SPHKAP: variants seen among roughly 807,000 people sequenced by gnomAD.
SPHKAP encodes A-kinase anchor protein SPHKAP.
Under a neutral mutation model 137.5 loss-of-function variants are expected in SPHKAP, and 67 were observed. The observed-to-expected ratio is 0.49, with a 90% CI of 0.40 to 0.60. SPHKAP has a LOEUF of 0.60. Among genes scored for constraint, SPHKAP ranks in the 20% least tolerant of loss-of-function variants. SPHKAP has a pLI of 0.00. For synonymous variants in SPHKAP, 813 were observed against 785.3 expected (o/e 1.04, Z -0.59); for missense variants, 2,097 against 2,069.3 (o/e 1.01, Z -0.26).
At chr2:228,163,110 T>C (rs1010161124) in intron 1 of SPHKAP, among the ~76,000 whole-genome samples, 1 of 152,330 alleles carries the variant, frequency 6.6e-6, no homozygotes, top group South Asian at 2.1e-4. Context: ...AGACAAAATC[T>C]TGCTGTCCCA....
chr2:227,994,147 C>G (rs1693533092), intron 8 of SPHKAP: 1 of 897,900 alleles, frequency 1.1e-6, no homozygotes, highest in Admixed American at 6.2e-5. Context: ...ATCTGGCTTG[C>G]TATTTTCCCA....
At chr2:227,999,063 C>T (rs1307498899) in intron 7 of SPHKAP, among the ~76,000 whole-genome samples, 2 of 152,128 alleles carry the variant, frequency 1.3e-5, no homozygotes, top group African/African-American at 4.8e-5. Context: ...TAAAAAAGTT[C>T]TCATATAGAG....
chr2:228,019,197 A>T lies in SPHKAP; in HGVS notation c.1657T>A (p.Ser553Thr), dbSNP rs1260587086. The change falls in exon 7 of 12, where the codon TCC (serine) becomes ACC (threonine). Residue 553 changes from serine to threonine, a missense_variant. Ser to Thr is a moderately conservative substitution (Grantham distance 58). Coordinates refer to ENST00000392056, the MANE Select transcript of SPHKAP (RefSeq NM_001142644.2). ...ATGCCACACAAAGCAGATGGAAAGG[A>T]GTACTCATTGATGGAAGGTTCCTTG... ...GLKEPSINEY[S>T]FPSALCGMTQ... The T allele has an allele frequency of 6.2e-7, 1 of 1,613,640 alleles. No individual in the cohort carries two copies. The highest frequency in any genetic ancestry group is 1.3e-5 in the African/African-American group (1 of 74,912).
intron 3 of SPHKAP, chr2:228,027,960 GAAAAAAA>G (rs113514692): frequency 9.9e-6 from 8 of 805,306 alleles, no homozygotes; most frequent in Non-Finnish European, 1.2e-5. Flanking sequence ...GACTGCATCT[GAAAAAAA>G]AAAAAAAAAG....
chr2:228,108,224 C>G (rs1383483396), intron 3 of SPHKAP, among the ~76,000 whole-genome samples: 1 of 152,154 alleles, frequency 6.6e-6, no homozygotes, highest in African/African-American at 2.4e-5. Flanking sequence ...ATAGTTTTCT[C>G]TAACATATAG....
chr2:228,119,026 G>A (rs67571194), intron 2 of SPHKAP, among the ~76,000 whole-genome samples: 52,360 of 152,050 alleles, frequency 0.34, 9,295 homozygotes, highest in East Asian at 0.5. Context: ...GAAATAAGGG[G>A]TGCTATTTTG....
chr2:228,003,926 T>TG (rs1299715324), intron 7 of SPHKAP, among the ~76,000 whole-genome samples: 13 of 152,220 alleles, frequency 8.5e-5, no homozygotes, highest in Admixed American at 3.9e-4. Flanking sequence ...TTGATCATGG[T>TG]GATAAGCTTT....
intron 3 of SPHKAP, among the ~76,000 whole-genome samples, chr2:228,047,539 A>G (rs1317606417): frequency 6.6e-6 from 1 of 152,176 alleles, no homozygotes; most frequent in East Asian, 1.9e-4. Flanking sequence ...TGAATTACAG[A>G]TAAGTTAAGC....
intron 1 of SPHKAP, among the ~76,000 whole-genome samples, chr2:228,148,808 G>T (rs556866426): frequency 9.7e-4 from 148 of 152,156 alleles, no homozygotes; most frequent in Non-Finnish European, 1.9e-3. Flanking sequence ...AGAGAGGAGA[G>T]GGTAGGGGGA....
At chr2:228,065,495 G>GC (rs1696794863) in intron 3 of SPHKAP, among the ~76,000 whole-genome samples, 1 of 152,172 alleles carries the variant, frequency 6.6e-6, no homozygotes, top group Admixed American at 6.5e-5. Flanking sequence ...AGTGGAGACC[G>GC]CAAGTCTAAA....
At chr2:228,008,416 C>G (rs779986551) in intron 7 of SPHKAP, among the ~76,000 whole-genome samples, 44 of 152,120 alleles carry the variant, frequency 2.9e-4, no homozygotes, top group Non-Finnish European at 4.0e-4. Context: ...CCTGTCTCAG[C>G]CTCCCAAGTA....
At chr2:228,117,869 T>C (rs1698763301) in intron 2 of SPHKAP, among the ~76,000 whole-genome samples, 2 of 148,258 alleles carry the variant, frequency 1.3e-5, no homozygotes, top group Admixed American at 1.4e-4. Context: ...ATAAAGAAAA[T>C]TGCAAAATTT....
At chr2:228,133,920 A>C (rs1699347138) in intron 1 of SPHKAP, among the ~76,000 whole-genome samples, 1 of 152,194 alleles carries the variant, frequency 6.6e-6, no homozygotes, top group South Asian at 2.1e-4. Context: ...GTTTTGTTAA[A>C]ATTTTTTATA....
intron 3 of SPHKAP, among the ~76,000 whole-genome samples, chr2:228,036,597 G>A (rs1379854915): frequency 5.9e-5 from 9 of 151,906 alleles, no homozygotes; most frequent in South Asian, 2.1e-4. Context: ...TGTTTATTGC[G>A]GCACTATTCA....
At chr2:228,106,042 C>T (rs1017027907) in intron 3 of SPHKAP, among the ~76,000 whole-genome samples, 4 of 152,184 alleles carry the variant, frequency 2.6e-5, no homozygotes, top group African/African-American at 4.8e-5. Context: ...CTGCTCTTCA[C>T]TAAGACTTCT....
At chr2:227,994,336 G>A (rs1303534223) in intron 8 of SPHKAP, among the ~76,000 whole-genome samples, 3 of 152,140 alleles carry the variant, frequency 2.0e-5, no homozygotes, top group Non-Finnish European at 4.4e-5. Flanking sequence ...TACTAGCCTG[G>A]AACTTACTGA....
intron 1 of SPHKAP, among the ~76,000 whole-genome samples, chr2:228,147,578 A>G (rs1270516909): frequency 6.6e-6 from 1 of 152,168 alleles, no homozygotes; most frequent in Non-Finnish European, 1.5e-5. Flanking sequence ...GAAGACTGGA[A>G]CTTGGGTCCC....
At chr2:228,025,759 C>T (rs1338745598) in intron 4 of SPHKAP, 16 of 761,964 alleles carry the variant, frequency 2.1e-5, no homozygotes, top group African/African-American at 5.7e-5. Context: ...CAAAAGTAAA[C>T]ATTTTACAAA....
At chr2:228,028,540 G>A (rs1695150012) in intron 3 of SPHKAP, among the ~76,000 whole-genome samples, 1 of 152,130 alleles carries the variant, frequency 6.6e-6, no homozygotes, top group Non-Finnish European at 1.5e-5. Context: ...TACAACAGTG[G>A]TCCTTTAAGA....
Sources: allele counts gnomAD v4.1 joint callset (sites outside exome capture counted in the v4.1 genomes callset), GRCh38; gene constraint gnomAD v4.1.1; transcripts MANE v1.5; gene names NCBI Gene and HGNC (gene_info 2026-07-23, HGNC 2026-07-21).